NSFL1C: variants seen among roughly 807,000 people sequenced by gnomAD.
NSFL1C encodes NSFL1 cofactor p47.
NSFL1C carries 14 observed loss-of-function variants against 43.1 expected under a neutral mutation model. The ratio of observed to expected loss-of-function variants is 0.32; its 90% CI spans 0.21 to 0.51. NSFL1C has a LOEUF of 0.51. NSFL1C is among the 20% of genes least tolerant of loss of function. NSFL1C has a pLI of 0.98. For missense variants in NSFL1C, 406 were observed against 472.5 expected (o/e 0.86, Z 1.30); for synonymous variants, 171 against 183.5 (o/e 0.93, Z 0.55).
chr20:1,453,618 G>A (rs960453707), intron 5 of NSFL1C, among the ~76,000 whole-genome samples: 65 of 152,178 alleles, frequency 4.3e-4, no homozygotes, highest in African/African-American at 1.4e-3. Context: ...CAGCTGCCTC[G>A]GAGGATAAAA....
intron 2 of NSFL1C, 187 bp downstream of exon 2, chr20:1,464,141 CA>C: frequency 1.8e-6 from 1 of 550,880 alleles, no homozygotes; most frequent in South Asian, 2.7e-5. Context: ...AAACCACACC[CA>C]GTTAAAAGTC....
At chr20:1,454,375 T>C in intron 4 of NSFL1C, 70 bp from the exon 5 acceptor site, 1 of 1,043,038 alleles carries the variant, frequency 9.6e-7, no homozygotes, top group Non-Finnish European at 1.5e-6. Flanking sequence ...GATACAATGA[T>C]ATATATATCT....
intron 7 of NSFL1C, 107 bp from the exon 8 acceptor site, chr20:1,445,937 T>A: frequency 8.3e-7 from 1 of 1,208,886 alleles, no homozygotes. Context: ...CCTGGCATTG[T>A]TTGGTGCTGC....
intron 7 of NSFL1C, among the ~76,000 whole-genome samples, chr20:1,447,890 C>T (rs1473890857): frequency 6.6e-6 from 1 of 152,160 alleles, no homozygotes; most frequent in Non-Finnish European, 1.5e-5. Context: ...AGGGGTGTAT[C>T]TCCATTTTAT....
At position 1,448,090 on chromosome 20, in the gene NSFL1C, C is replaced by T. The variant is rs550126743; in HGVS notation, c.786-2260G>A. Among the ~76,000 whole-genome samples, 11 of 152,296 alleles carry T rather than the reference C, an allele frequency of 7.2e-5. No individual in the cohort carries two copies. The South Asian group carries it at 2.3e-3, about 32-fold the overall frequency. On this transcript the variant is annotated intron_variant, in intron 7 of 8. Coordinates refer to ENST00000216879, the MANE Select transcript of NSFL1C (RefSeq NM_016143.5). ...CTCAAACTTCTCCTTGAGTTTCACT[C>T]CTCACTTATGAGCTGATGACCCTCA... is the stretch of plus-strand genomic sequence containing the variant.
rs1267935907 is a variant in NSFL1C, at chr20:1,445,758, G to T, written c.858C>A (p.Ser286=). The T allele has an allele frequency of 6.2e-7, 1 of 1,613,914 alleles. No homozygotes were observed. The highest frequency in any genetic ancestry group is 8.5e-7 in the Non-Finnish European group (1 of 1,179,976). ...TAGGCTCTGATTCGTCGATTAAGATGGAAGAGCTGGCTTTGGCTTCATTTT... is the reference window on the plus strand; with the variant it reads ...TAGGCTCTGATTCGTCGATTAAGATTGAAGAGCTGGCTTTGGCTTCATTTT... ...QAENEAKASS[S]ILIDESEPTT... Residue 286 remains serine (S), a synonymous_variant, in exon 8 of 9, where the codon TCC becomes TCA. Transcript: ENST00000216879.
intron 3 of NSFL1C, chr20:1,456,605 C>T (rs1489311706): frequency 6.6e-6 from 1 of 152,154 alleles, no homozygotes; most frequent in Non-Finnish European, 1.5e-5. Flanking sequence ...ATGAGGCTGG[C>T]GTTCATTCTT....
chr20:1,462,394 A>C (rs1432811102), intron 2 of NSFL1C, among the ~76,000 whole-genome samples: 1 of 152,174 alleles, frequency 6.6e-6, no homozygotes, highest in Non-Finnish European at 1.5e-5. Context: ...GTTCTTTTCT[A>C]AGCCTACTAC....
intron 1 of NSFL1C, 89 bp downstream of exon 1, chr20:1,466,631 T>G: frequency 5.5e-6 from 7 of 1,268,452 alleles, no homozygotes; most frequent in Non-Finnish European, 7.6e-6. Context: ...GGGATGACTG[T>G]GCGCTTCGGC....
At chr20:1,460,388 G>A (rs1383894888) in intron 2 of NSFL1C, among the ~76,000 whole-genome samples, 1 of 152,208 alleles carries the variant, frequency 6.6e-6, no homozygotes, top group Non-Finnish European at 1.5e-5. Context: ...AGGAGCCCCT[G>A]AGGTAATTCC....
chr20:1,444,506 A>G (rs1451742092), intron 8 of NSFL1C, among the ~76,000 whole-genome samples: 7 of 152,220 alleles, frequency 4.6e-5, no homozygotes, highest in Admixed American at 1.3e-4. Context: ...GTTTCTCCAG[A>G]CACTACCTGC....
intron 2 of NSFL1C, 149 bp downstream of exon 2, chr20:1,464,179 AG>A: frequency 1.5e-6 from 1 of 666,090 alleles, no homozygotes; most frequent in South Asian, 1.9e-5. Flanking sequence ...GAAATGACTG[AG>A]GCCTGCTGGG....
At chr20:1,458,545 C>G (rs2090349093) in intron 2 of NSFL1C, among the ~76,000 whole-genome samples, 1 of 151,978 alleles carries the variant, frequency 6.6e-6, no homozygotes, top group South Asian at 2.1e-4. Flanking sequence ...TTAATAAAAA[C>G]TAGAAAGTAT....
chr20:1,465,035 G>C (rs2090482280), intron 1 of NSFL1C, among the ~76,000 whole-genome samples: 1 of 152,088 alleles, frequency 6.6e-6, no homozygotes, highest in African/African-American at 2.4e-5. Context: ...GGGGGTACCT[G>C]TCTCACCAAC....
intron 7 of NSFL1C, among the ~76,000 whole-genome samples, chr20:1,447,252 T>C (rs1331077233): frequency 3.3e-5 from 5 of 152,146 alleles, no homozygotes; most frequent in African/African-American, 9.7e-5. Flanking sequence ...GACACTACGA[T>C]AGGCCACAAG....
chr20:1,456,823 T>C (rs1479023613), intron 3 of NSFL1C: 2 of 152,212 alleles, frequency 1.3e-5, no homozygotes, highest in African/African-American at 4.8e-5. Context: ...ATAGCACTGA[T>C]ATTTACAGTA....
chr20:1,449,378 C>T (rs970579956), intron 7 of NSFL1C, among the ~76,000 whole-genome samples: 4 of 152,210 alleles, frequency 2.6e-5, no homozygotes, highest in African/African-American at 4.8e-5. Context: ...GTCTATACTG[C>T]TCTCAAGGAG....
Position 1,455,182 on chromosome 20 carries a change from T to G in NSFL1C, c.279-50A>C, listed in dbSNP as rs145724210. ...ATGAAACACTCATGGAAAACATGAA[T>G]AGAGCATGTGCCAGGTTGGTGCTGG... On this transcript the variant is annotated intron_variant, in intron 3 of 8. Transcript: ENST00000216879. 1,198 of 1,604,696 alleles carry G rather than the reference T, an allele frequency of 7.5e-4. 3 individuals are homozygous for G. In the Middle Eastern group the frequency reaches 9.8e-3, roughly 13 times the overall value.
Position 1,458,210 on chromosome 20 carries a change from C to T in NSFL1C, c.268G>A (p.Glu90Lys), listed in dbSNP as rs1307694147. 5.0e-6 allele frequency: 8 copies of T among 1,613,662 alleles called. No homozygotes were observed. Among genetic ancestry groups the T allele is most frequent in the Non-Finnish European group, 6.8e-6 (8 of 1,179,620 alleles). Reference sequence around the variant, plus strand: ...CTCTAGAAGACTCACCTCTGGCCTTCCTCTTCCTCCTCATCTTCATCTTGG... The same window carrying T: ...CTCTAGAAGACTCACCTCTGGCCTTTCTCTTCCTCCTCATCTTCATCTTGG... ...HDQDEDEEEE[E>K]GQRFYAGGSE... The change falls in exon 3 of 9, where the codon GAA becomes AAA. Residue 90 changes from glutamate (E) to lysine (K), a missense_variant. By Grantham distance (56) the Glu-to-Lys change is moderately conservative. Around this residue, in one of 3 missense-constraint regions of NSFL1C, gnomAD observed 203 missense variants for 216.3 expected, o/e 0.94. Coordinates refer to ENST00000216879, the MANE Select transcript of NSFL1C (RefSeq NM_016143.5).
Sources: gnomAD v4.1 joint callset for allele counts (sites outside exome capture counted in the v4.1 genomes callset) on GRCh38, gnomAD v4.1.1 for gene constraint, gnomAD v4.1.1 regional missense constraint, MANE v1.5 for transcripts, NCBI Gene and HGNC (gene_info 2026-07-23, HGNC 2026-07-21) for gene names.